The following EIF3G variants were observed in gnomAD, a reference collection of about 807,000 sequenced individuals.
EIF3G encodes the protein eukaryotic translation initiation factor 3 subunit G, also known as eukaryotic translation initiation factor 3 RNA-binding subunit.
Under a neutral mutation model 41.7 loss-of-function variants are expected in EIF3G, and 10 were observed. The observed-to-expected ratio is 0.24, with a 90% CI of 0.15 to 0.41. EIF3G has a LOEUF of 0.41. EIF3G is among the 10% of genes least tolerant of loss of function. The pLI, the probability that EIF3G is intolerant of heterozygous loss-of-function variation, is 1.00. For synonymous variants in EIF3G, 204 were observed against 172.5 expected (o/e 1.18, Z -1.43); for missense variants, 297 against 444.0 (o/e 0.67, Z 2.98).
In EIF3G at chr19:10,118,963, G is replaced by T. The variant is rs1229929633; in HGVS notation, c.152-7C>A. 6.2e-7 allele frequency: 1 copy of T among 1,613,980 alleles called. No individual in the cohort carries two copies. Among genetic ancestry groups the T allele is most frequent in the East Asian group, 2.2e-5 (1 of 44,888 alleles). On this transcript the variant is annotated splice_region_variant and splice_polypyrimidine_tract_variant and intron_variant, in intron 3 of 10. Coordinates refer to ENST00000253108, the MANE Select transcript of EIF3G (RefSeq NM_003755.5). ...TTGGGAGGCGGCAGTGGAGCTGGCA[G>T]AAGGGGAAAAACAGAGAAAGACTGA...
At chr19:10,118,646 C>T (rs2089279246) in intron 5 of EIF3G, 22 bp downstream of exon 5, 3 of 1,614,024 alleles carry the variant, frequency 1.9e-6, no homozygotes, top group Non-Finnish European at 1.7e-6. Context: ...TCTAGGTTAG[C>T]CCTGGGGAAG....
rs1423195347 is a variant in EIF3G, at chr19:10,119,129, G to C, written c.110C>G (p.Ala37Gly). 1 of 1,601,540 alleles carries C rather than the reference G, an allele frequency of 6.2e-7. No individual in the cohort carries two copies. Among genetic ancestry groups the C allele is most frequent in the African/African-American group, 1.3e-5 (1 of 74,718 alleles). Residue 37 changes from alanine to glycine, a missense_variant, in exon 3 of 11, where the codon GCC (alanine) becomes GGC (glycine). Ala to Gly is a moderately conservative substitution (Grantham distance 60). This residue lies in a region of EIF3G where 147 missense variants were observed against 162.4 expected (regional missense o/e 0.91). Coordinates refer to ENST00000253108, the MANE Select transcript of EIF3G (RefSeq NM_003755.5). ...TGGCTCTGGGCTGGTGTCACCTGTG[G>C]CCAGAGGGATCCCCTTGAGGAGCTC... The part of the protein sequence containing the change: ...TSELLKGIPL[A>G]TGDTSPEPEL...
At position 10,116,948 on chromosome 19, in the gene EIF3G, G is replaced by T. The variant is rs533246672; in HGVS notation, c.447C>A (p.Leu149=). Reference sequence around the variant, plus strand: ...GGCAGGACACGATCTTCTGGCCCTTGAGTTTGTTCATAGGGTCCTCCTCCT... The same window carrying T: ...GGCAGGACACGATCTTCTGGCCCTTTAGTTTGTTCATAGGGTCCTCCTCCT... ...CQEEEDPMNK[L]KGQKIVSCRI... is the part of the protein sequence containing the mutation. Residue 149 remains leucine, a synonymous_variant, in exon 7 of 11, where the codon CTC becomes CTA. Transcript: ENST00000253108. This position sits in a 1 kb window ranked among gnomAD's most constrained non-coding sequence, Gnocchi z 4.1. The T allele has an allele frequency of 6.2e-7, 1 of 1,613,706 alleles. No homozygotes were observed. The highest frequency in any genetic ancestry group is 1.1e-5 in the South Asian group (1 of 91,018).
At chr19:10,119,353 G>T in intron 2 of EIF3G, 182 bp from the exon 3 acceptor site, 1 of 802,918 alleles carries the variant, frequency 1.2e-6, no homozygotes, top group Non-Finnish European at 2.1e-6. Flanking sequence ...AAGGATGGGA[G>T]ATCCCTCGTA....
rs918884858 is a variant in EIF3G, at chr19:10,116,273, TGGA to T, written c.596-202_596-200del. 408 of 604,298 alleles carry T rather than the reference TGGA, an allele frequency of 6.8e-4. 1 individual carries two copies. The highest frequency in any genetic ancestry group is 1.1e-3 in the Middle Eastern group (3 of 2,744). The allele number at this position is 604,298 out of a possible 1,614,324, so 37.4% of individuals were successfully genotyped here. A position where few individuals can be genotyped will look rare whatever the true frequency, so the allele number is the denominator to read the frequency against. On this transcript the variant is annotated intron_variant, in intron 7 of 10. Transcript: ENST00000253108. This position sits in a 1 kb window ranked among gnomAD's most constrained non-coding sequence, Gnocchi z 4.1. ...TTGAGCTCCCAGCCAGCGACACTGG[TGGA>T]GGAGGAGGAGGAGGAGCCCCGACCC...
chr19:10,119,642 G>A lies in EIF3G; in HGVS notation c.67+12C>T, dbSNP rs777697803. 5.1e-6 allele frequency: 8 copies of A among 1,567,408 alleles called. No individual in the cohort carries two copies. Among genetic ancestry groups the A allele is most frequent in the South Asian group, 4.8e-5 (4 of 82,576 alleles). The stretch of plus-strand genomic sequence containing the variant: ...CTGGCCGCGAATACCCCGGGCGACC[G>A]TGTACACTTACCGTCCTCCCCCTCC... On this transcript the variant is annotated intron_variant, in intron 2 of 10. Coordinates refer to ENST00000253108, the MANE Select transcript of EIF3G (RefSeq NM_003755.5).
rs199542850 is a variant in EIF3G at position 10,115,762 on chromosome 19, G to A, written c.762C>T (p.Asp254=). The A allele has an allele frequency of 7.1e-5, 114 of 1,614,048 alleles. No homozygotes were observed. The highest frequency in any genetic ancestry group is 1.0e-5 in the Non-Finnish European group (12 of 1,180,036). Residue 254 remains aspartate (D), a synonymous_variant, in exon 9 of 11, where the codon GAC becomes GAT. Transcript: ENST00000253108. ...TNLSEDTRET[D]LQELFRPFGS... is the part of the protein sequence containing the mutation. ...CGAAAGGCCGGAAGAGCTCCTGCAGGTCGGTCTCACGCGTGTCCTCTGACA... is the reference window on the plus strand; with the variant it reads ...CGAAAGGCCGGAAGAGCTCCTGCAGATCGGTCTCACGCGTGTCCTCTGACA...
Position 10,115,609 on chromosome 19 carries a change from G to A in EIF3G, c.841-24C>T, listed in dbSNP as rs912134407. 31 of 1,611,620 alleles carry A rather than the reference G, an allele frequency of 1.9e-5. No individual in the cohort carries two copies. The Admixed American group carries it at 2.0e-4, about 10-fold the overall frequency. ...CCCTGTGGAGGGGCGGGATGGGGTC[G>A]GGCACGAGCTAGGACAGGCGACCCT... On this transcript the variant is annotated intron_variant, in intron 9 of 10. Coordinates refer to ENST00000253108, the MANE Select transcript of EIF3G (RefSeq NM_003755.5).
Position 10,118,855 on chromosome 19 carries a change from C to G in EIF3G, c.240+13G>C. 6.2e-7 allele frequency: 1 copy of G among 1,613,164 alleles called. No individual in the cohort carries two copies. The highest frequency in any genetic ancestry group is 1.1e-5 in the South Asian group (1 of 91,014). ...GCACAAGGGTCCCCACTCCCTGCAC[C>G]CCCCACCCTCACCTTGAACTTCTTG... On this transcript the variant is annotated intron_variant, in intron 4 of 10. Coordinates refer to ENST00000253108, the MANE Select transcript of EIF3G (RefSeq NM_003755.5).
Position 10,119,845 on chromosome 19 carries a change from G to T in EIF3G, c.15C>A (p.Asp5Glu), listed in dbSNP as rs758519529. 3 of 1,614,062 alleles carry T rather than the reference G, an allele frequency of 1.9e-6. No homozygotes were observed. Among genetic ancestry groups the T allele is most frequent in the South Asian group, 2.2e-5 (2 of 91,088 alleles). ...TTCCGCGATCGCCGACTCACTCAAA[G>T]TCTCCAGTAGGCATCGCAAAAAGTA... MPTG[D>E]FDSKPSWADQ... is the part of the protein sequence containing the mutation. The change falls in exon 1 of 11, where the codon GAC (aspartate) becomes GAA (glutamate). Residue 5 changes from aspartate to glutamate, a missense_variant. Asp to Glu is a conservative substitution (Grantham distance 45). Transcript: ENST00000253108.
At chr19:10,117,459 C>T in intron 5 of EIF3G, 1 of 427,366 alleles carries the variant, frequency 2.3e-6, no homozygotes, top group Non-Finnish European at 4.2e-6. Flanking sequence ...GGACCAGCTC[C>T]CACCAGGGCG....
chr19:10,117,043 C>T (rs372765542), intron 6 of EIF3G, 41 bp downstream of exon 6: 6 of 1,606,142 alleles, frequency 3.7e-6, no homozygotes, highest in Non-Finnish European at 5.1e-6. Flanking sequence ...CCCCCTTTGC[C>T]CCACCCCAGG....
intron 10 of EIF3G, 56 bp downstream of exon 10, chr19:10,115,408 TTGGCCCAACACTCCG>T (rs1328489314): frequency 1.5e-5 from 22 of 1,498,948 alleles, no homozygotes; most frequent in Non-Finnish European, 2.0e-5. Flanking sequence ...GGGCTATTGG[TTGGCCCAACACTCCG>T]TGAAGGTGCT....
At chr19:10,115,341 A>G in intron 10 of EIF3G, 138 bp downstream of exon 10, 1 of 1,195,292 alleles carries the variant, frequency 8.4e-7, no homozygotes, top group Non-Finnish European at 1.2e-6. Flanking sequence ...GGTTTTGGAA[A>G]AAAACAATAA....
At position 10,118,644 on chromosome 19, in the gene EIF3G, A is replaced by G. The variant is rs370777829; in HGVS notation, c.300+24T>C. 141 of 1,613,346 alleles carry G rather than the reference A, an allele frequency of 8.7e-5. 1 individual carries two copies. The African/African-American group carries it at 1.7e-3, about 20-fold the overall frequency. Reference sequence around the variant, plus strand: ...CACGGTTTTCCAATTCCTCTAGGTTAGCCCTGGGGAAGAAGAGCCTCACCT... The same window carrying G: ...CACGGTTTTCCAATTCCTCTAGGTTGGCCCTGGGGAAGAAGAGCCTCACCT... On this transcript the variant is annotated intron_variant, in intron 5 of 10. Coordinates refer to ENST00000253108, the MANE Select transcript of EIF3G (RefSeq NM_003755.5).
rs759761009 is a variant in EIF3G, at chr19:10,116,120, C to T, written c.596-46G>A. ...AAGTTCAACCTCACTGTGGCGCAGG[C>T]GTGGGGACAGAGCCGCCCCAGGAAG... On this transcript the variant is annotated intron_variant, in intron 7 of 10. Coordinates refer to ENST00000253108, the MANE Select transcript of EIF3G (RefSeq NM_003755.5). This position sits in a 1 kb window ranked among gnomAD's most constrained non-coding sequence, Gnocchi z 4.1. The T allele has an allele frequency of 1.5e-5, 24 of 1,580,632 alleles. No homozygotes were observed. The highest frequency in any genetic ancestry group is 1.1e-4 in the East Asian group (5 of 43,964).
intron 5 of EIF3G, chr19:10,117,739 G>T (rs918512289): frequency 6.6e-6 from 1 of 152,382 alleles, no homozygotes; most frequent in Admixed American, 6.5e-5. Flanking sequence ...CGTTCCTGCA[G>T]GTTGACAGGC....
At position 10,115,144 on chromosome 19, in the gene EIF3G, G is replaced by A. The variant is rs376979362; in HGVS notation, c.948-15C>T. The A allele has an allele frequency of 3.7e-6, 6 of 1,613,668 alleles. No homozygotes were observed. Among genetic ancestry groups the A allele is most frequent in the South Asian group, 1.1e-5 (1 of 90,972 alleles). On this transcript the variant is annotated splice_polypyrimidine_tract_variant and intron_variant, in intron 10 of 10. Transcript: ENST00000253108. ...TGGTGGACGGCCTGGGGTAGGGGAG[G>A]GTGGCAGGTATAAGACTTCTGGGGG...
At chr19:10,115,367 A>G (rs1279352150) in intron 10 of EIF3G, 112 bp downstream of exon 10, 3 of 1,328,796 alleles carry the variant, frequency 2.3e-6, no homozygotes, top group Non-Finnish European at 3.1e-6. Context: ...TGTCCCCTCA[A>G]AACCAGCCGG....
Sources: allele counts gnomAD v4.1 joint callset, GRCh38; gene constraint gnomAD v4.1.1; regional missense constraint gnomAD v4.1.1; non-coding constraint Gnocchi (gnomAD v3.1); transcripts MANE v1.5; gene names NCBI Gene and HGNC (gene_info 2026-07-23, HGNC 2026-07-21).